Variants in SORCS3 observed in about 807,000 individuals in gnomAD.
SORCS3 encodes the protein sortilin related VPS10 domain containing receptor 3, also known as VPS10 domain-containing receptor SorCS3.
Under a neutral mutation model 146.3 loss-of-function variants are expected in SORCS3, and 57 were observed. The observed-to-expected ratio is 0.39, with a 90% CI of 0.31 to 0.49. SORCS3 has a LOEUF of 0.49. SORCS3 is among the 20% of genes least tolerant of loss of function. The pLI is 0.92. For missense variants in SORCS3, 1,341 were observed against 1,575.5 expected (o/e 0.85, Z 2.52); for synonymous variants, 653 against 618.5 (o/e 1.06, Z -0.83).
chr10:105,033,752 G>A (rs1000568859), intron 4 of SORCS3, among the ~76,000 whole-genome samples: 5 of 152,108 alleles, frequency 3.3e-5, no homozygotes, highest in Admixed American at 2.0e-4. Flanking sequence ...CTTCCTCACC[G>A]ACTTCCTATG....
Position 104,682,623 on chromosome 10 carries a change from T to G in SORCS3, c.627+40669T>G, listed in dbSNP as rs189451663. ...TAACTTATGTAGGCAATAGGATGGT[T>G]AATGCATCCTGCCTCCCAGGCTGCT... On this transcript the variant is annotated intron_variant, in intron 1 of 26. Coordinates refer to ENST00000369701, the MANE Select transcript of SORCS3 (RefSeq NM_014978.3). 1.3e-4 allele frequency among the ~76,000 whole-genome samples: 20 copies of G among 152,376 alleles called. No individual in the cohort carries two copies. The East Asian group carries it at 3.7e-3, about 28-fold the overall frequency.
At chr10:105,073,268 G>C (rs1019864956) in intron 5 of SORCS3, among the ~76,000 whole-genome samples, 2 of 152,166 alleles carry the variant, frequency 1.3e-5, no homozygotes, top group African/African-American at 4.8e-5. Flanking sequence ...CTATGTGCAG[G>C]TTCCAGGTGC....
At chr10:105,072,284 C>G (rs747916188) in intron 5 of SORCS3, among the ~76,000 whole-genome samples, 8 of 152,082 alleles carry the variant, frequency 5.3e-5, no homozygotes, top group Non-Finnish European at 8.8e-5. Context: ...CACGTTAGCC[C>G]TTTTAGCAAT....
At chr10:104,941,922 C>T (rs2019324077) in intron 3 of SORCS3, among the ~76,000 whole-genome samples, 1 of 152,132 alleles carries the variant, frequency 6.6e-6, no homozygotes, top group Admixed American at 6.5e-5. Context: ...TGAGACTTAG[C>T]TTTTGTTTTA....
chr10:105,220,749 C>A (rs185522311), intron 19 of SORCS3, among the ~76,000 whole-genome samples: 1 of 152,052 alleles, frequency 6.6e-6, no homozygotes, highest in Non-Finnish European at 1.5e-5. Flanking sequence ...TTTCTCTTCC[C>A]CATTGATGAA....
At chr10:105,162,684 T>G (rs2056275815) in intron 11 of SORCS3, among the ~76,000 whole-genome samples, 1 of 152,138 alleles carries the variant, frequency 6.6e-6, no homozygotes, top group Non-Finnish European at 1.5e-5. Flanking sequence ...CTTACCACCA[T>G]AAGGCCCCCA....
In SORCS3 at chr10:104,894,707, GAT is replaced by G. The variant is rs1179157913; in HGVS notation, c.696-21125_696-21124del. Among the ~76,000 whole-genome samples the G allele has an allele frequency of 9.2e-5, 14 of 152,306 alleles. No homozygotes were observed. The East Asian group carries it at 2.5e-3, about 27-fold the overall frequency. ...AGGTGAGGGATGGAAGAACAGTCAT[GAT>G]GATTCGAATGTTTTGGACCAGGAAG... is the stretch of plus-strand genomic sequence containing the variant. On this transcript the variant is annotated intron_variant, in intron 2 of 26. Transcript: ENST00000369701.
intron 2 of SORCS3, among the ~76,000 whole-genome samples, chr10:104,859,642 T>C (rs1345477113): frequency 6.6e-6 from 1 of 152,104 alleles, no homozygotes; most frequent in Non-Finnish European, 1.5e-5. Context: ...ACCTACAAAA[T>C]GGGAGAAAAT....
At chr10:105,046,469 C>A (rs2055372239) in intron 5 of SORCS3, among the ~76,000 whole-genome samples, 1 of 152,106 alleles carries the variant, frequency 6.6e-6, no homozygotes, top group African/African-American at 2.4e-5. Context: ...GAAGTGATTT[C>A]TGACGAGGAC....
chr10:104,888,615 G>A (rs1448175260), intron 2 of SORCS3, among the ~76,000 whole-genome samples: 3 of 152,108 alleles, frequency 2.0e-5, no homozygotes, highest in Admixed American at 1.3e-4. Flanking sequence ...CAGGAAATTT[G>A]TAGATTACCT....
chr10:105,202,107 C>T (rs1035704490), intron 16 of SORCS3, among the ~76,000 whole-genome samples: 1 of 152,168 alleles, frequency 6.6e-6, no homozygotes, highest in Non-Finnish European at 1.5e-5. Context: ...ATCGAACTCT[C>T]TCCACATCCA....
In SORCS3 at chr10:104,793,981, G is replaced by A. The variant is rs1009003332; in HGVS notation, c.628-48811G>A. 1.8e-4 allele frequency among the ~76,000 whole-genome samples: 28 copies of A among 152,212 alleles called. 1 individual carries two copies. Among genetic ancestry groups the A allele is most frequent in the Middle Eastern group, 3.2e-3 (1 of 316 alleles). ...GAATGACCAAAATTTAAGAGGCAGA[G>A]TGTGGCAGGTCAGTGATGGCAAAGC... On this transcript the variant is annotated intron_variant, in intron 1 of 26. Transcript: ENST00000369701.
chr10:105,112,607 A>G (rs4256910), intron 7 of SORCS3, among the ~76,000 whole-genome samples: 29,288 of 152,060 alleles, frequency 0.19, 3,032 homozygotes, highest in Admixed American at 0.24. Flanking sequence ...CTACCAGTCT[A>G]TCAAAGAATG....
chr10:104,779,442 C>T (rs1023811299), intron 1 of SORCS3, among the ~76,000 whole-genome samples: 5 of 152,128 alleles, frequency 3.3e-5, no homozygotes, highest in Non-Finnish European at 5.9e-5. Context: ...TGAAAAAGGC[C>T]AGGGAATTTG....
chr10:104,641,344 C>T lies in SORCS3; in HGVS notation c.17C>T (p.Thr6Met), dbSNP rs2015411027. ...CGCAGCGGGATGGAGGCGGCGCGCACGGAGCGCCCCGCAGGCAGGCCGGGG... is the reference window on the plus strand; with the variant it reads ...CGCAGCGGGATGGAGGCGGCGCGCATGGAGCGCCCCGCAGGCAGGCCGGGG... MEAAR[T>M]ERPAGRPGAP... The change falls in exon 1 of 27, where the codon ACG (threonine) becomes ATG (methionine). Residue 6 changes from threonine to methionine, a missense_variant. Transcript: ENST00000369701. This position sits in a 1 kb window ranked among gnomAD's most constrained non-coding sequence, Gnocchi z 6.4. 4 of 1,352,086 alleles carry T rather than the reference C, an allele frequency of 3.0e-6. No individual in the cohort carries two copies. Among genetic ancestry groups the T allele is most frequent in the Non-Finnish European group, 3.8e-6 (4 of 1,057,122 alleles). The allele number at this position is 1,352,086 out of a possible 1,614,324, so 83.8% of individuals were successfully genotyped here.
At chr10:104,914,566 C>T (rs922507611) in intron 2 of SORCS3, among the ~76,000 whole-genome samples, 8 of 152,020 alleles carry the variant, frequency 5.3e-5, no homozygotes, top group Non-Finnish European at 7.4e-5. Context: ...CACAAGCCAT[C>T]GGGCTGATGT....
intron 3 of SORCS3, among the ~76,000 whole-genome samples, chr10:104,960,835 GAACATATGAA>G (rs2054791592): frequency 6.6e-6 from 1 of 152,046 alleles, no homozygotes; most frequent in African/African-American, 2.4e-5. Context: ...GTTAGCAGGT[GAACATATGAA>G]AACCTCCCCC....
chr10:104,739,842 C>G (rs1363916995), intron 1 of SORCS3, among the ~76,000 whole-genome samples: 1 of 152,178 alleles, frequency 6.6e-6, no homozygotes, highest in Non-Finnish European at 1.5e-5. Flanking sequence ...CAAAATAAGA[C>G]AAGGAATTCA....
intron 1 of SORCS3, among the ~76,000 whole-genome samples, chr10:104,722,415 TC>T (rs1349181687): frequency 6.6e-6 from 1 of 152,168 alleles, no homozygotes. Context: ...TCGATGTTCA[TC>T]AGGGATATTG....
Sources: allele counts gnomAD v4.1 joint callset (sites outside exome capture counted in the v4.1 genomes callset), GRCh38; gene constraint gnomAD v4.1.1; non-coding constraint Gnocchi (gnomAD v3.1); transcripts MANE v1.5; gene names NCBI Gene and HGNC (gene_info 2026-07-23, HGNC 2026-07-21).